Variants in CYRIB observed in about 807,000 individuals in gnomAD.
CYRIB encodes the protein CYFIP related Rac1 interactor B.
CYRIB carries 8 observed loss-of-function variants against 44.2 expected under a neutral mutation model. The observed-to-expected ratio is 0.18, with a 90% CI of 0.11 to 0.33. CYRIB has a LOEUF of 0.33. CYRIB is among the 10% of genes least tolerant of loss of function. CYRIB has a pLI of 1.00. For missense variants in CYRIB, 185 were observed against 382.8 expected, an observed-to-expected ratio of 0.48 and a Z score of 4.31; for synonymous variants, 131 against 127.2, an observed-to-expected ratio of 1.03 and a Z score of -0.20.
chr8:129,917,456 A>G (rs150238244), intron 1 of CYRIB, among the ~76,000 whole-genome samples: 8 of 152,150 alleles, frequency 5.3e-5, no homozygotes, highest in African/African-American at 1.9e-4. Context: ...ACCTGATCAC[A>G]TATCTACACA....
At chr8:129,930,962 T>C (rs2091062579) in intron 1 of CYRIB, among the ~76,000 whole-genome samples, 1 of 152,130 alleles carries the variant, frequency 6.6e-6, no homozygotes, top group African/African-American at 2.4e-5. Flanking sequence ...ACTCGGTAAA[T>C]ATATTTACTA....
At chr8:130,012,703 G>C (rs977851567) in intron 1 of CYRIB, among the ~76,000 whole-genome samples, 1 of 152,162 alleles carries the variant, frequency 6.6e-6, no homozygotes, top group Non-Finnish European at 1.5e-5. Flanking sequence ...GCAGAGCCAG[G>C]ATGTGAACCC....
At chr8:129,902,244 G>A (rs1299361125) in intron 2 of CYRIB, among the ~76,000 whole-genome samples, 1 of 152,148 alleles carries the variant, frequency 6.6e-6, no homozygotes, top group Non-Finnish European at 1.5e-5. Context: ...TTTTGACACA[G>A]AGTCTCACTC....
chr8:129,927,121 A>G (rs959545274), intron 1 of CYRIB, among the ~76,000 whole-genome samples: 1 of 152,020 alleles, frequency 6.6e-6, no homozygotes, highest in Admixed American at 6.6e-5. Flanking sequence ...TGTCTCTACT[A>G]AAAATACACA....
At chr8:129,941,593 T>C (rs1043781898), upstream of CYRIB, among the ~76,000 whole-genome samples, 1 of 152,044 alleles carries the variant, frequency 6.6e-6, no homozygotes, top group Admixed American at 6.6e-5. Flanking sequence ...GTTTTACAAA[T>C]GTTGATGCTG....
intron 4 of CYRIB, among the ~76,000 whole-genome samples, chr8:129,862,663 G>A (rs1218666665): frequency 2.6e-5 from 4 of 152,052 alleles, no homozygotes; most frequent in Admixed American, 6.5e-5. Context: ...GTAGAGATGG[G>A]GTTTCGCCAT....
At chr8:129,981,132 G>GC (rs2096222749) in intron 1 of CYRIB, among the ~76,000 whole-genome samples, 1 of 152,060 alleles carries the variant, frequency 6.6e-6, no homozygotes, top group South Asian at 2.1e-4. Context: ...GACAGAGTTA[G>GC]CCCCCCATTC....
At chr8:129,906,880 C>A (rs941186142) in intron 1 of CYRIB, among the ~76,000 whole-genome samples, 6 of 151,956 alleles carry the variant, frequency 3.9e-5, no homozygotes, top group Non-Finnish European at 5.9e-5. Flanking sequence ...CAGAGAAATG[C>A]AAATCAAAAC....
chr8:129,941,867 T>A (rs1226468374), upstream of CYRIB, among the ~76,000 whole-genome samples: 2 of 152,150 alleles, frequency 1.3e-5, no homozygotes, highest in Non-Finnish European at 2.9e-5. Flanking sequence ...TACAGGGAGC[T>A]CATTACTGCA....
At chr8:130,014,014 A>G (rs6986601) in intron 1 of CYRIB, among the ~76,000 whole-genome samples, 90,576 of 152,054 alleles carry the variant, frequency 0.6, 27,551 homozygotes, top group African/African-American at 0.73. Flanking sequence ...AGACTTAGGC[A>G]AGGACCCTCA....
At chr8:130,012,517 G>C (rs1278221377) in intron 1 of CYRIB, among the ~76,000 whole-genome samples, 1 of 121,316 alleles carries the variant, frequency 8.2e-6, no homozygotes, top group Non-Finnish European at 1.8e-5. Flanking sequence ...GGAAGAAACA[G>C]ACATTGCTGA....
upstream of CYRIB, among the ~76,000 whole-genome samples, chr8:129,942,049 T>C (rs1162488650): frequency 6.6e-6 from 1 of 152,102 alleles, no homozygotes. Context: ...GTGATAATAA[T>C]AAAATACTGG....
chr8:129,958,894 G>A lies in CYRIB; in HGVS notation c.-243+12049C>T, dbSNP rs1043013477. Among the ~76,000 whole-genome samples, 10 of 151,376 alleles carry A rather than the reference G, an allele frequency of 6.6e-5. No individual in the cohort carries two copies. The South Asian group carries it at 8.3e-4, about 13-fold the overall frequency. On this transcript the variant is annotated intron_variant, in intron 2 of 14. Coordinates refer to the CYRIB transcript ENST00000401979. ...GCCTGGCCAAGATGGTGAAACCCCC[G>A]TCTCTACTAAAGATACAAAAATTAG...
intron 2 of CYRIB, chr8:129,947,908 A>G (rs1231593992): frequency 2.0e-5 from 3 of 152,352 alleles, no homozygotes; most frequent in South Asian, 2.1e-4. Context: ...TCAACCATGA[A>G]GTGTTGAATG....
intron 1 of CYRIB, among the ~76,000 whole-genome samples, chr8:130,005,765 CTCAAGAGT>C (rs1020693342): frequency 1.3e-5 from 2 of 150,486 alleles, no homozygotes; most frequent in African/African-American, 4.9e-5. Flanking sequence ...ATCACTTGAG[CTCAAGAGT>C]TCAAGATCAA....
intron 2 of CYRIB, chr8:129,890,465 G>C (rs1481221312): frequency 6.6e-6 from 1 of 152,080 alleles, no homozygotes; most frequent in Non-Finnish European, 1.5e-5. Flanking sequence ...TTTAAATTAA[G>C]GTATATACAC....
chr8:129,967,989 GCAAA>G (rs2095552362), intron 2 of CYRIB, among the ~76,000 whole-genome samples: 2 of 152,154 alleles, frequency 1.3e-5, no homozygotes, highest in East Asian at 3.9e-4. Context: ...TATAATACTT[GCAAA>G]CACAGACCCA....
chr8:129,985,378 A>C (rs2096417992), intron 1 of CYRIB, among the ~76,000 whole-genome samples: 1 of 151,730 alleles, frequency 6.6e-6, no homozygotes, highest in Admixed American at 6.6e-5. Context: ...CACACTGCTC[A>C]CCCTCTTGCC....
At chr8:129,989,193 C>T (rs969653174) in intron 1 of CYRIB, among the ~76,000 whole-genome samples, 1 of 152,124 alleles carries the variant, frequency 6.6e-6, no homozygotes, top group Non-Finnish European at 1.5e-5. Context: ...CACCACCTCT[C>T]AGTGGGTCTC....
Sources: allele counts gnomAD v4.1 joint callset (sites outside exome capture counted in the v4.1 genomes callset), GRCh38; gene constraint gnomAD v4.1.1; transcripts MANE v1.5; gene names NCBI Gene and HGNC (gene_info 2026-07-23, HGNC 2026-07-21).